Variants in TRMO observed in about 807,000 individuals in gnomAD.
The protein encoded by TRMO is tRNA methyltransferase O, also known as tRNA (adenine(37)-N6)-methyltransferase.
A neutral mutation model predicts 37.2 loss-of-function variants in TRMO; 30 were observed. That is an observed-to-expected ratio of 0.81 (90% CI 0.60 to 1.09). The LOEUF (loss-of-function observed/expected upper bound fraction) is 1.09, where lower values mean the gene tolerates loss of function less well. Ranked by LOEUF, TRMO falls within the 50% of genes least tolerant of loss-of-function variation. The pLI is 0.00. For synonymous variants in TRMO, 239 were observed against 199.4 expected (o/e 1.20, Z -1.67); for missense variants, 552 against 549.5 (o/e 1.00, Z -0.05).
intron 3 of TRMO, chr9:97,913,062 G>A: frequency 3.4e-6 from 2 of 593,004 alleles, no homozygotes; most frequent in Middle Eastern, 3.0e-4. Context: ...ATTGGAAAGT[G>A]TCCATTTATT....
Position 97,908,566 on chromosome 9 carries a change from G to C in TRMO, c.1066+1394C>G, listed in dbSNP as rs2131520472. ...TTCTTGCCACTGCACTCCAGTCTGG[G>C]TGACAGAGTGAGACCCTGTCTCAAA... On this transcript the variant is annotated intron_variant, in intron 4 of 4. Coordinates refer to ENST00000375119, the MANE Select transcript of TRMO (RefSeq NM_016481.5). Among the ~76,000 whole-genome samples, 3 of 152,276 alleles carry C rather than the reference G, an allele frequency of 2.0e-5. No individual in the cohort carries two copies. The South Asian group carries it at 6.2e-4, about 32-fold the overall frequency.
chr9:97,905,000 G>A lies in TRMO; in HGVS notation c.1067-8C>T, dbSNP rs1825798442. The stretch of plus-strand genomic sequence containing the variant: ...ATGACGCCTGACCAACATCTGCAAT[G>A]AAAAAAACACAACTTAATGAGCACT... On this transcript the variant is annotated splice_region_variant and splice_polypyrimidine_tract_variant and intron_variant, in intron 4 of 4. Coordinates refer to ENST00000375119, the MANE Select transcript of TRMO (RefSeq NM_016481.5). 1 of 1,607,832 alleles carries A rather than the reference G, an allele frequency of 6.2e-7. No individual in the cohort carries two copies. The highest frequency in any genetic ancestry group is 1.7e-5 in the Admixed American group (1 of 59,260).
intron 1 of TRMO, among the ~76,000 whole-genome samples, chr9:97,921,964 A>G (rs1178244039): frequency 2.0e-5 from 3 of 152,184 alleles, no homozygotes; most frequent in Admixed American, 1.3e-4. Context: ...GAGTAAAGAG[A>G]AACAAATTCA....
At chr9:97,922,171 G>A (rs1021103871) in intron 1 of TRMO, among the ~76,000 whole-genome samples, 2 of 152,174 alleles carry the variant, frequency 1.3e-5, no homozygotes, top group African/African-American at 2.4e-5. Context: ...AGCTGCTCCA[G>A]CTACTGAGCC....
chr9:97,904,118 T>C (rs2131510776), downstream of TRMO, among the ~76,000 whole-genome samples: 1 of 152,202 alleles, frequency 6.6e-6, no homozygotes, highest in East Asian at 1.9e-4. Flanking sequence ...GTAACAATTT[T>C]CTTGAACTTC....
chr9:97,917,290 T>C (rs1221563436), intron 1 of TRMO, among the ~76,000 whole-genome samples: 1 of 152,206 alleles, frequency 6.6e-6, no homozygotes, highest in Non-Finnish European at 1.5e-5. Context: ...AATAAACTAA[T>C]TTAAGCAATA....
At chr9:97,918,153 G>C (rs1826458363) in intron 1 of TRMO, among the ~76,000 whole-genome samples, 1 of 151,200 alleles carries the variant, frequency 6.6e-6, no homozygotes, top group African/African-American at 2.4e-5. Flanking sequence ...GGCTGAGGTG[G>C]GCAGATCACC....
intron 3 of TRMO, chr9:97,911,260 G>T (rs745672113): frequency 1.2e-5 from 2 of 169,108 alleles, no homozygotes; most frequent in African/African-American, 4.8e-5. Flanking sequence ...ACTGCTGCTG[G>T]CTGGAAGACT....
intron 1 of TRMO, among the ~76,000 whole-genome samples, chr9:97,920,930 C>T (rs926864662): frequency 6.6e-6 from 1 of 152,200 alleles, no homozygotes; most frequent in Non-Finnish European, 1.5e-5. Context: ...AGTTTCTTCA[C>T]AATCAGAATC....
chr9:97,904,953 TCTG>T lies in TRMO; in HGVS notation c.1103_1105del (p.Ala368del). On this transcript the variant is annotated inframe_deletion, in exon 5 of 5. Transcript: ENST00000375119. ...AGCCTCAATGGCACGCTTTGCTTCC[TCTG>T]CTGACTGAAAATATTTAAATGACGC... is the stretch of plus-strand genomic sequence containing the variant. 2 of 1,614,032 alleles carry T rather than the reference TCTG, an allele frequency of 1.2e-6. No individual in the cohort carries two copies. Among genetic ancestry groups the T allele is most frequent in the Middle Eastern group, 3.3e-4 (2 of 6,062 alleles).
At chr9:97,921,902 T>C (rs542166313) in intron 1 of TRMO, among the ~76,000 whole-genome samples, 87 of 152,332 alleles carry the variant, frequency 5.7e-4, no homozygotes, top group African/African-American at 2.0e-3. Context: ...TTAATTTTCT[T>C]CCATTTGCTT....
intron 3 of TRMO, chr9:97,912,795 G>C: frequency 1.7e-6 from 1 of 575,504 alleles, no homozygotes; most frequent in Non-Finnish European, 3.0e-6. Context: ...TGTTAGGTCA[G>C]AATGGAATGC....
chr9:97,897,062 T>C, the TRMO span, among the ~76,000 whole-genome samples: 2 of 152,252 alleles, frequency 1.3e-5, no homozygotes, highest in Non-Finnish European at 2.9e-5. Flanking sequence ...TGTGCAAACA[T>C]GGGTTGTATA....
intron 1 of TRMO, among the ~76,000 whole-genome samples, chr9:97,917,749 G>T (rs1265504193): frequency 6.6e-6 from 1 of 151,960 alleles, no homozygotes; most frequent in Non-Finnish European, 1.5e-5. Context: ...CACAATCTCG[G>T]CTCACTGCAA....
rs770775804 is a variant in TRMO, at chr9:97,909,991, G to A, written c.1035C>T (p.Ala345=). ...AACTGAGCTGCCCAAGGTCCATCTC[G>A]GCATGAGGAGTAAACCGCACTTCTA... ...ATLEVRFTPH[A]EMDLGQLSSQ... Residue 345 remains alanine (A), a synonymous_variant, in exon 4 of 5, where the codon GCC becomes GCT. Transcript: ENST00000375119. 1.2e-5 allele frequency: 19 copies of A among 1,565,456 alleles called. No individual in the cohort carries two copies. The highest frequency in any genetic ancestry group is 9.5e-5 in the South Asian group (8 of 83,994).
chr9:97,898,910 G>A, the TRMO span, among the ~76,000 whole-genome samples: 1 of 132,100 alleles, frequency 7.6e-6, no homozygotes, highest in South Asian at 2.5e-4. Context: ...TGCCATCTCG[G>A]CTCACTGCAA....
chr9:97,913,604 C>A (rs1189517679), intron 2 of TRMO, 46 bp from the exon 3 acceptor site: 1 of 1,319,948 alleles, frequency 7.6e-7, no homozygotes, highest in African/African-American at 1.5e-5. Flanking sequence ...GAAAAGAGCA[C>A]AAGTTATTTT....
chr9:97,908,957 A>C (rs1307732636), intron 4 of TRMO, among the ~76,000 whole-genome samples: 2 of 152,084 alleles, frequency 1.3e-5, no homozygotes, highest in African/African-American at 4.8e-5. Flanking sequence ...TCTCCTTGGC[A>C]ACCAGCTTCT....
intron 1 of TRMO, among the ~76,000 whole-genome samples, chr9:97,921,608 T>C (rs565011749): frequency 2.0e-5 from 3 of 152,044 alleles, no homozygotes; most frequent in East Asian, 3.9e-4. Context: ...TATTTTTTAG[T>C]AGAGACGAGG....
Sources: gnomAD v4.1 joint callset for allele counts (sites outside exome capture counted in the v4.1 genomes callset) on GRCh38, gnomAD v4.1.1 for gene constraint, MANE v1.5 for transcripts, NCBI Gene and HGNC (gene_info 2026-07-23, HGNC 2026-07-21) for gene names.